Variants in FMNL3 observed in about 807,000 individuals in gnomAD.
FMNL3 encodes formin-like protein 3.
FMNL3 carries 57 observed loss-of-function variants against 119.6 expected under a neutral mutation model. The ratio of observed to expected loss-of-function variants is 0.48; its 90% CI spans 0.39 to 0.59. The LOEUF (loss-of-function observed/expected upper bound fraction) is 0.59, where lower values mean the gene tolerates loss of function less well. Ranked by LOEUF, FMNL3 falls within the 20% of genes least tolerant of loss-of-function variation. The probability of loss-of-function intolerance (pLI) is 0.00; values close to 1 mark genes in which losing one functional copy is unlikely to be tolerated. For synonymous variants in FMNL3, 491 were observed against 507.3 expected (o/e 0.97, Z 0.43); for missense variants, 1,053 against 1,323.5 (o/e 0.80, Z 3.17).
At chr12:49,675,246 C>T (rs768789003) in intron 1 of FMNL3, among the ~76,000 whole-genome samples, 2 of 152,210 alleles carry the variant, frequency 1.3e-5, no homozygotes, top group Non-Finnish European at 2.9e-5. Context: ...CCCAACTGAG[C>T]ACCCAGGCCC....
Position 49,649,534 on chromosome 12 carries a change from A to G in FMNL3, c.2240T>C (p.Leu747Pro). ...AGCGGACGCCGCAATGATGGCATTG[A>G]GTTGCTGTAGGACAATATGAACACT... The part of the protein sequence containing the change: ...QDNLQMLTPQ[L>P]NAIIAASASV... Residue 747 changes from leucine to proline, a missense_variant, in exon 19 of 26, where the codon CTC (leucine) becomes CCC (proline). Leu to Pro is a moderately conservative substitution (Grantham distance 98). This residue lies in a region of FMNL3 where 324 missense variants were observed against 380.9 expected (regional missense o/e 0.85). Transcript: ENST00000335154. This position sits in a 1 kb window ranked among gnomAD's most constrained non-coding sequence, Gnocchi z 5.6. The G allele has an allele frequency of 6.2e-7, 1 of 1,614,162 alleles. No homozygotes were observed. The highest frequency in any genetic ancestry group is 8.5e-7 in the Non-Finnish European group (1 of 1,180,038).
Position 49,653,711 on chromosome 12 carries a change from G to A in FMNL3, c.1221+14C>T. The A allele has an allele frequency of 6.2e-7, 1 of 1,613,652 alleles. No homozygotes were observed. On this transcript the variant is annotated intron_variant, in intron 12 of 25. Coordinates refer to ENST00000335154, the MANE Select transcript of FMNL3 (RefSeq NM_175736.5). Reference sequence around the variant, plus strand: ...ATCAACAGTGGCTCTGGCAGGCAAAGGAAGACCACCTACATGGGACACATG... The same window carrying A: ...ATCAACAGTGGCTCTGGCAGGCAAAAGAAGACCACCTACATGGGACACATG...
intron 1 of FMNL3, among the ~76,000 whole-genome samples, chr12:49,671,798 G>T (rs1307418049): frequency 6.6e-6 from 1 of 152,176 alleles, no homozygotes; most frequent in Non-Finnish European, 1.5e-5. Flanking sequence ...GCTCCCAGAA[G>T]GCAGAAGCTG....
chr12:49,642,134 A>G lies in FMNL3; in HGVS notation c.*3681T>C. On this transcript the variant is annotated 3_prime_UTR_variant, in exon 26 of 26. Transcript: ENST00000335154. The surrounding 1 kb of genome is among the most constrained non-coding windows in gnomAD (Gnocchi z 5.8). ...TATTCCCAATTCAGGGGATGGTGGT[A>G]GAAGCCCAGACCCTAACTTTCCACC... 1 of 1,598,130 alleles carries G rather than the reference A, an allele frequency of 6.3e-7. No homozygotes were observed. Among genetic ancestry groups the G allele is most frequent in the Non-Finnish European group, 8.5e-7 (1 of 1,169,734 alleles).
At chr12:49,692,731 T>C (rs1944639080) in intron 1 of FMNL3, among the ~76,000 whole-genome samples, 1 of 152,304 alleles carries the variant, frequency 6.6e-6, no homozygotes, top group Non-Finnish European at 1.5e-5. Context: ...GCAAACATAA[T>C]GTCCCCACCC....
chr12:49,692,592 T>C (rs1276758697), intron 1 of FMNL3, among the ~76,000 whole-genome samples: 2 of 152,210 alleles, frequency 1.3e-5, no homozygotes, highest in Non-Finnish European at 2.9e-5. Flanking sequence ...TAAAGCATTA[T>C]ATATACAGTC....
chr12:49,684,142 AC>A (rs1944401851), intron 1 of FMNL3, among the ~76,000 whole-genome samples: 6 of 152,084 alleles, frequency 3.9e-5, no homozygotes, highest in Admixed American at 2.6e-4. Context: ...TGTCTTAGTC[AC>A]CTTTCTCCAG....
chr12:49,685,587 T>C (rs556013369), intron 1 of FMNL3, among the ~76,000 whole-genome samples: 1 of 152,332 alleles, frequency 6.6e-6, no homozygotes, highest in Admixed American at 6.5e-5. Flanking sequence ...GGAAAGGTCA[T>C]GACTAGGCCA....
At chr12:49,706,907 A>C (rs976754642) in intron 1 of FMNL3, 148 bp downstream of exon 1, 30 of 946,130 alleles carry the variant, frequency 3.2e-5, no homozygotes, top group Admixed American at 8.6e-5. Flanking sequence ...GGCTGCTCAG[A>C]GGTTCCTGGG....
At chr12:49,691,969 A>C (rs1944617273) in intron 1 of FMNL3, among the ~76,000 whole-genome samples, 1 of 133,264 alleles carries the variant, frequency 7.5e-6, no homozygotes, top group Admixed American at 8.8e-5. Context: ...CGGGAGGTGG[A>C]GGTTGCAGTG....
At chr12:49,684,717 T>A (rs191289811) in intron 1 of FMNL3, among the ~76,000 whole-genome samples, 2 of 152,308 alleles carry the variant, frequency 1.3e-5, no homozygotes, top group Non-Finnish European at 2.9e-5. Flanking sequence ...ATAGCTGCTA[T>A]TGGACCATCA....
rs149819194 is a variant in FMNL3, at chr12:49,650,066, T to C, written c.2001-141A>G. 6.0e-3 allele frequency: 4,051 copies of C among 678,770 alleles called. 22 individuals are homozygous for C. The highest frequency in any genetic ancestry group is 0.011 in the South Asian group (617 of 53,824). The allele number at this position is 678,770 out of a possible 1,614,324, so 42.0% of individuals were successfully genotyped here. Reference sequence around the variant, plus strand: ...CAAAGGCAAAGGACCCATTGCATCATCTGTCACAGCACCAGCAATGATCCC... The same window carrying C: ...CAAAGGCAAAGGACCCATTGCATCACCTGTCACAGCACCAGCAATGATCCC... On this transcript the variant is annotated intron_variant, in intron 17 of 25. Coordinates refer to ENST00000335154, the MANE Select transcript of FMNL3 (RefSeq NM_175736.5).
At chr12:49,662,622 T>A (rs75277657) in intron 4 of FMNL3, among the ~76,000 whole-genome samples, 3,894 of 152,218 alleles carry the variant, frequency 0.026, 61 homozygotes, top group East Asian at 0.052. Flanking sequence ...TATTTAGTCA[T>A]GTTGAGTTTG....
intron 1 of FMNL3, among the ~76,000 whole-genome samples, chr12:49,691,396 G>C (rs546538044): frequency 6.6e-6 from 1 of 152,294 alleles, no homozygotes; most frequent in Admixed American, 6.5e-5. Flanking sequence ...ATGCAGCACA[G>C]CCTAGAGCTC....
chr12:49,690,760 T>C (rs1944580135), intron 1 of FMNL3, among the ~76,000 whole-genome samples: 1 of 152,018 alleles, frequency 6.6e-6, no homozygotes, highest in Non-Finnish European at 1.5e-5. Context: ...CAAAGGAGAG[T>C]CAACCCCGCA....
At position 49,636,913 on chromosome 12, in the gene FMNL3, A is replaced by G; in HGVS notation, c.*8902T>C. 1 of 1,606,002 alleles carries G rather than the reference A, an allele frequency of 6.2e-7. No homozygotes were observed. The highest frequency in any genetic ancestry group is 8.5e-7 in the Non-Finnish European group (1 of 1,176,502). On this transcript the variant is annotated 3_prime_UTR_variant, in exon 26 of 26. Transcript: ENST00000335154. Reference sequence around the variant, plus strand: ...GCCCTAGAGCACAACCTCTTCACCCATTCCCTGCCCCCTTCTGGATACGCT... The same window carrying G: ...GCCCTAGAGCACAACCTCTTCACCCGTTCCCTGCCCCCTTCTGGATACGCT...
In FMNL3 at chr12:49,637,344, T is replaced by C; in HGVS notation, c.*8471A>G. 1 of 654,456 alleles carries C rather than the reference T, an allele frequency of 1.5e-6. No individual in the cohort carries two copies. 40.5% of individuals were successfully genotyped at this position (654,456 alleles called of 1,614,324 possible). ...ATCTGCATCTCTTCATCTCTGCCTC[T>C]CTTGCCTGCATTTCCTCAATCTTGA... On this transcript the variant is annotated 3_prime_UTR_variant, in exon 26 of 26. Coordinates refer to ENST00000335154, the MANE Select transcript of FMNL3 (RefSeq NM_175736.5).
intron 1 of FMNL3, chr12:49,688,731 G>A: frequency 6.5e-6 from 2 of 309,124 alleles, no homozygotes; most frequent in Non-Finnish European, 1.3e-5. Flanking sequence ...AAGGTGAGAG[G>A]GACAGCAGCC....
At chr12:49,671,552 C>T (rs1944046694) in intron 1 of FMNL3, among the ~76,000 whole-genome samples, 1 of 152,220 alleles carries the variant, frequency 6.6e-6, no homozygotes, top group Admixed American at 6.5e-5. Context: ...TAAACCAGAG[C>T]CTGGCCTGGA....
Sources: gnomAD v4.1 joint callset for allele counts (sites outside exome capture counted in the v4.1 genomes callset) on GRCh38, gnomAD v4.1.1 for gene constraint, gnomAD v4.1.1 regional missense constraint, Gnocchi (gnomAD v3.1) non-coding constraint, MANE v1.5 for transcripts, NCBI Gene and HGNC (gene_info 2026-07-23, HGNC 2026-07-21) for gene names.